Variants in SYCP2L observed in about 807,000 individuals in gnomAD.
SYCP2L encodes the protein synaptonemal complex protein 2 like.
A neutral mutation model predicts 125.8 loss-of-function variants in SYCP2L; 98 were observed. The observed-to-expected ratio is 0.78, with a 90% CI of 0.66 to 0.92. The LOEUF (loss-of-function observed/expected upper bound fraction) is 0.92. SYCP2L is among the 40% of genes least tolerant of loss of function. The probability of loss-of-function intolerance (pLI) is 0.00; values close to 1 mark genes in which losing one functional copy is unlikely to be tolerated. For synonymous variants in SYCP2L, 317 were observed against 325.4 expected (o/e 0.97, Z 0.28); for missense variants, 842 against 936.4 (o/e 0.90, Z 1.32).
In SYCP2L at chr6:10,960,574, T is replaced by G. The variant is rs181948637; in HGVS notation, c.2256-731T>G. Among the ~76,000 whole-genome samples the G allele has an allele frequency of 6.3e-4, 96 of 152,250 alleles. 2 individuals are homozygous for G. The highest frequency in any genetic ancestry group is 2.6e-4 in the Non-Finnish European group (18 of 68,018). ...CCATTAGACAAAGAACAGTGACTCTTAGAAATGTTAGAGCTAAAATGTAGA... is the reference window on the plus strand; with the variant it reads ...CCATTAGACAAAGAACAGTGACTCTGAGAAATGTTAGAGCTAAAATGTAGA... On this transcript the variant is annotated intron_variant, in intron 26 of 29. Transcript: ENST00000283141.
Position 10,971,836 on chromosome 6 carries a change from G to A in SYCP2L, c.*38-2116G>A, listed in dbSNP as rs368152188. Among the ~76,000 whole-genome samples the A allele has an allele frequency of 1.1e-4, 17 of 151,712 alleles. No individual in the cohort carries two copies. The East Asian group carries it at 1.2e-3, about 10-fold the overall frequency. On this transcript the variant is annotated intron_variant, in intron 29 of 29. Coordinates refer to ENST00000283141, the MANE Select transcript of SYCP2L (RefSeq NM_001040274.3). The stretch of plus-strand genomic sequence containing the variant: ...ATTACAGGTGCCTCCCACCACACCC[G>A]GCTAATTTTTTATATTTTTAGTAGA...
intron 1 of SYCP2L, among the ~76,000 whole-genome samples, chr6:10,890,411 C>G (rs1780153454): frequency 6.6e-6 from 1 of 152,052 alleles, no homozygotes; most frequent in Admixed American, 6.6e-5. Context: ...AAGATAATAT[C>G]TCATTTTGGT....
intron 23 of SYCP2L, among the ~76,000 whole-genome samples, chr6:10,950,804 G>A (rs1781397498): frequency 6.6e-6 from 1 of 152,066 alleles, no homozygotes; most frequent in Non-Finnish European, 1.5e-5. Context: ...AGGACTACAG[G>A]TGCATGCCAC....
chr6:10,962,301 C>CCTATGCATATATTCCTATGCATATATTG (rs1781607617), intron 28 of SYCP2L, among the ~76,000 whole-genome samples: 2 of 144,562 alleles, frequency 1.4e-5, no homozygotes, highest in South Asian at 2.5e-4. Flanking sequence ...TGCATATATT[C>CCTATGCATATATTCCTATGCATATATTG]CAAAGCAAAA....
At chr6:10,924,366 ATTTCT>A (rs1484127955) in intron 14 of SYCP2L, 125 bp from the exon 15 acceptor site, 11 of 706,508 alleles carry the variant, frequency 1.6e-5, no homozygotes, top group Admixed American at 1.2e-4. Context: ...ATTTAATATG[ATTTCT>A]TTTCAACTTC....
chr6:10,924,242 C>A (rs1780858913), intron 14 of SYCP2L, among the ~76,000 whole-genome samples: 1 of 152,176 alleles, frequency 6.6e-6, no homozygotes, highest in Non-Finnish European at 1.5e-5. Flanking sequence ...ATCTTCATTT[C>A]TTTGCTGCTA....
rs567423596 is a variant in SYCP2L, at chr6:10,906,199, T to A, written c.676+145T>A. Reference sequence around the variant, plus strand: ...TTATTTTAAATTTATTTTGAGAGATTTTAGCATGCTGGAAACTGTAAAGAA... The same window carrying A: ...TTATTTTAAATTTATTTTGAGAGATATTAGCATGCTGGAAACTGTAAAGAA... On this transcript the variant is annotated intron_variant, in intron 9 of 29. Transcript: ENST00000283141. The A allele has an allele frequency of 3.9e-5, 20 of 519,072 alleles. No homozygotes were observed. In the South Asian group the frequency reaches 7.1e-4, roughly 19 times the overall value. The allele number at this position is 519,072 out of a possible 1,614,324, so 32.2% of individuals were successfully genotyped here.
chr6:10,969,261 G>C (rs921416343), intron 29 of SYCP2L, among the ~76,000 whole-genome samples: 7 of 151,886 alleles, frequency 4.6e-5, no homozygotes, highest in Non-Finnish European at 1.0e-4. Context: ...TTTAACTTGA[G>C]AGTAAACTGA....
At chr6:10,963,746 T>C (rs1225789186) in intron 28 of SYCP2L, 36 bp from the exon 29 acceptor site, 2 of 1,608,022 alleles carry the variant, frequency 1.2e-6, no homozygotes, top group Non-Finnish European at 1.7e-6. Context: ...AATTGTCTAA[T>C]GTGAATATAA....
intron 17 of SYCP2L, among the ~76,000 whole-genome samples, chr6:10,927,759 C>T (rs973412508): frequency 4.6e-5 from 7 of 152,012 alleles, no homozygotes; most frequent in Admixed American, 6.6e-5. Context: ...ATTTATTAGG[C>T]GAGAATTTCC....
At chr6:10,916,241 A>G (rs927408931) in intron 14 of SYCP2L, among the ~76,000 whole-genome samples, 3 of 152,152 alleles carry the variant, frequency 2.0e-5, no homozygotes, top group Non-Finnish European at 2.9e-5. Context: ...CTCATGGTCT[A>G]TCAGTTTTAT....
chr6:10,930,462 C>T lies in SYCP2L; in HGVS notation c.1581C>T (p.Ser527=). ...GGACCAGTAACCAGAAAAAGAAATC[C>T]CTAAAATCATATTCCAGTAGAAAGA... ...LSWTSNQKKK[S]LKSYSSRKKT... The change falls in exon 19 of 30, where the codon TCC becomes TCT. Residue 527 remains serine, a synonymous_variant. Coordinates refer to ENST00000283141, the MANE Select transcript of SYCP2L (RefSeq NM_001040274.3). 1 of 1,613,416 alleles carries T rather than the reference C, an allele frequency of 6.2e-7. No homozygotes were observed. Among genetic ancestry groups the T allele is most frequent in the Admixed American group, 1.7e-5 (1 of 59,976 alleles).
intron 25 of SYCP2L, among the ~76,000 whole-genome samples, chr6:10,957,299 G>A (rs1456621736): frequency 6.6e-6 from 1 of 152,220 alleles, no homozygotes; most frequent in South Asian, 2.1e-4. Flanking sequence ...TGTCTTAGCT[G>A]TGGTCACTGA....
In SYCP2L at chr6:10,887,080, C is replaced by T. The variant is rs747456722; in HGVS notation, c.-47C>T. On this transcript the variant is annotated 5_prime_UTR_variant, in exon 1 of 30. Coordinates refer to ENST00000283141, the MANE Select transcript of SYCP2L (RefSeq NM_001040274.3). ...GAAGCAGGAGAGGGCCGACCGAGCG[C>T]AACAAAGCTGAGCGGCGCGTCGCTT... 5 of 1,613,664 alleles carry T rather than the reference C, an allele frequency of 3.1e-6. No individual in the cohort carries two copies. The highest frequency in any genetic ancestry group is 1.7e-6 in the Non-Finnish European group (2 of 1,179,846).
chr6:10,962,257 G>A (rs1429507010), intron 28 of SYCP2L, among the ~76,000 whole-genome samples: 1 of 92,066 alleles, frequency 1.1e-5, no homozygotes, highest in Admixed American at 1.1e-4. Context: ...TTTTAGGAAG[G>A]ATATTCTTCC....
intron 14 of SYCP2L, among the ~76,000 whole-genome samples, chr6:10,921,233 G>C (rs1780796433): frequency 6.6e-6 from 1 of 152,100 alleles, no homozygotes; most frequent in Non-Finnish European, 1.5e-5. Context: ...TGGCTGCATA[G>C]TATTCCAAGG....
At chr6:10,895,868 G>A (rs1049970011) in intron 4 of SYCP2L, among the ~76,000 whole-genome samples, 2 of 151,716 alleles carry the variant, frequency 1.3e-5, no homozygotes, top group Non-Finnish European at 2.9e-5. Context: ...CATAGAATAA[G>A]AATTCCTGGC....
At chr6:10,964,906 G>C (rs566884041) in intron 29 of SYCP2L, among the ~76,000 whole-genome samples, 74 of 152,278 alleles carry the variant, frequency 4.9e-4, no homozygotes, top group South Asian at 2.3e-3. Flanking sequence ...ACAGGGTCAG[G>C]TATGGTCATC....
intron 14 of SYCP2L, among the ~76,000 whole-genome samples, chr6:10,918,781 A>AACAG: frequency 2.6e-5 from 4 of 152,034 alleles, no homozygotes; most frequent in Non-Finnish European, 4.4e-5. Context: ...TGATCCGCCC[A>AACAG]CCTTGGCCTC....
Sources: gnomAD v4.1 joint callset for allele counts (sites outside exome capture counted in the v4.1 genomes callset) on GRCh38, gnomAD v4.1.1 for gene constraint, MANE v1.5 for transcripts, NCBI Gene and HGNC (gene_info 2026-07-23, HGNC 2026-07-21) for gene names.